Variants in CCDC88A observed in about 807,000 individuals in gnomAD.
The protein encoded by CCDC88A is girdin.
Under a neutral mutation model 234.3 loss-of-function variants are expected in CCDC88A, and 54 were observed. The ratio of observed to expected loss-of-function variants is 0.23; its 90% CI spans 0.19 to 0.29. CCDC88A has a LOEUF of 0.29. Ranked by LOEUF, CCDC88A falls within the 10% of genes least tolerant of loss-of-function variation. CCDC88A has a pLI of 1.00. For missense variants in CCDC88A, 1,832 were observed against 2,123.4 expected (o/e 0.86, Z 2.70); for synonymous variants, 753 against 737.8 (o/e 1.02, Z -0.33).
In CCDC88A at chr2:55,307,459, G is replaced by A. The variant is rs141636507; in HGVS notation, c.4387+1350C>T. ...CAGCCTCTGCCTCCCAGGTTCAAGC[G>A]ACTCTCCTGCCTCAGCCTCCCAAGT... On this transcript the variant is annotated intron_variant, in intron 25 of 32. Coordinates refer to ENST00000436346, the MANE Select transcript of CCDC88A (RefSeq NM_001365480.1). Among the ~76,000 whole-genome samples the A allele has an allele frequency of 3.2e-3, 489 of 150,708 alleles. 1 individual carries two copies. Among genetic ancestry groups the A allele is most frequent in the African/African-American group, 0.011 (458 of 40,912 alleles).
chr2:55,386,691 C>T (rs1055574549), intron 3 of CCDC88A, among the ~76,000 whole-genome samples: 7 of 150,762 alleles, frequency 4.6e-5, no homozygotes, highest in South Asian at 2.1e-4. Flanking sequence ...AGGCTGGTCT[C>T]GAACTCCTGA....
At position 55,336,848 on chromosome 2, in the gene CCDC88A, G is replaced by A. The variant is rs140398967; in HGVS notation, c.1519-30C>T. 1.4e-3 allele frequency: 1,922 copies of A among 1,375,040 alleles called. 29 individuals are homozygous for A. The African/African-American group carries it at 0.025, about 18-fold the overall frequency. The allele number at this position is 1,375,040 out of a possible 1,614,324, so 85.2% of individuals were successfully genotyped here. ...AGAAAATTAAATCACAAAACAATAC[G>A]TTAAATATTCTGTAACAGTGAAAAC... On this transcript the variant is annotated intron_variant, in intron 13 of 32. Coordinates refer to ENST00000436346, the MANE Select transcript of CCDC88A (RefSeq NM_001365480.1).
At chr2:55,400,444 G>T (rs1427552994) in intron 2 of CCDC88A, among the ~76,000 whole-genome samples, 2 of 152,152 alleles carry the variant, frequency 1.3e-5, no homozygotes, top group African/African-American at 2.4e-5. Context: ...GTCCAACCAG[G>T]AGTTAAATGC....
chr2:55,308,652 G>T, intron 25 of CCDC88A, 157 bp downstream of exon 25: 1 of 603,548 alleles, frequency 1.7e-6, no homozygotes, highest in Non-Finnish European at 2.9e-6. Flanking sequence ...AAAATTGTGT[G>T]GCTGTACACT....
At chr2:55,374,721 G>T in intron 4 of CCDC88A, 93 bp downstream of exon 4, 1 of 670,824 alleles carries the variant, frequency 1.5e-6, no homozygotes, top group Non-Finnish European at 2.6e-6. Flanking sequence ...AAAATCTAGT[G>T]AGTTAATGTA....
chr2:55,292,852 T>G (rs1679584174), intron 31 of CCDC88A: 1 of 152,178 alleles, frequency 6.6e-6, no homozygotes, highest in Admixed American at 6.6e-5. Flanking sequence ...CAGAGTGAGA[T>G]TCCATCTCAA....
chr2:55,367,400 G>A (rs1308942062), intron 5 of CCDC88A, among the ~76,000 whole-genome samples: 1 of 151,842 alleles, frequency 6.6e-6, no homozygotes, highest in East Asian at 1.9e-4. Flanking sequence ...TGTTAAAATG[G>A]TAAATTTCCT....
At chr2:55,375,368 C>T (rs374242756) in intron 3 of CCDC88A, among the ~76,000 whole-genome samples, 2 of 151,350 alleles carry the variant, frequency 1.3e-5, no homozygotes, top group Non-Finnish European at 2.9e-5. Context: ...AATTAAGAAA[C>T]ATTCCTCAAT....
intron 2 of CCDC88A, among the ~76,000 whole-genome samples, chr2:55,392,394 T>G (rs1249224133): frequency 2.0e-5 from 3 of 152,234 alleles, no homozygotes; most frequent in African/African-American, 7.2e-5. Flanking sequence ...TGACTGAAAT[T>G]GCACTCAATC....
chr2:55,386,056 CT>C (rs1337700026), intron 3 of CCDC88A, among the ~76,000 whole-genome samples: 1 of 149,610 alleles, frequency 6.7e-6, no homozygotes, highest in Non-Finnish European at 1.5e-5. Flanking sequence ...AAACCTGTCT[CT>C]ACTAAAAATA....
chr2:55,368,481 T>C (rs1291087032), intron 5 of CCDC88A, among the ~76,000 whole-genome samples: 1 of 151,796 alleles, frequency 6.6e-6, no homozygotes, highest in African/African-American at 2.4e-5. Context: ...TTCTCCCTCT[T>C]TAATTAAAAA....
intron 2 of CCDC88A, among the ~76,000 whole-genome samples, chr2:55,395,406 A>G (rs905770543): frequency 3.3e-5 from 5 of 152,216 alleles, no homozygotes; most frequent in African/African-American, 9.6e-5. Flanking sequence ...ACTCTATGGT[A>G]TAACTATTCC....
In CCDC88A at chr2:55,288,873, A is replaced by G. The variant is rs988794266; in HGVS notation, c.*2327T>C. 8 of 152,276 alleles carry G rather than the reference A, an allele frequency of 5.3e-5. No individual in the cohort carries two copies. The highest frequency in any genetic ancestry group is 4.6e-4 in the Admixed American group (7 of 15,286). The allele number at this position is 152,276 out of a possible 1,614,324, so 9.4% of individuals were successfully genotyped here. A position where few individuals can be genotyped will look rare whatever the true frequency, so the allele number is the denominator to read the frequency against. ...TTGTTTGGCAGAAGTTGTTTAGGGG[A>G]GAAGAGTGGCTTCCTACAAAGTTTG... On this transcript the variant is annotated 3_prime_UTR_variant, in exon 33 of 33. Coordinates refer to ENST00000436346, the MANE Select transcript of CCDC88A (RefSeq NM_001365480.1).
chr2:55,419,523 ACC>A lies in CCDC88A; in HGVS notation c.-446_-445del. The A allele has an allele frequency of 1.6e-4, 22 of 133,754 alleles. No homozygotes were observed. Among genetic ancestry groups the A allele is most frequent in the South Asian group, 4.5e-4 (2 of 4,410 alleles). 8.3% of individuals were successfully genotyped at this position (133,754 alleles called of 1,614,324 possible). ...ACCACGTTAAGGATACCGAGGCGCC[ACC>A]AGACTCGACCTCGGCGTTCCGACCT... On this transcript the variant is annotated 5_prime_UTR_variant, in exon 1 of 33. Coordinates refer to ENST00000436346, the MANE Select transcript of CCDC88A (RefSeq NM_001365480.1).
At chr2:55,402,122 T>C (rs2104947374) in intron 2 of CCDC88A, among the ~76,000 whole-genome samples, 1 of 152,188 alleles carries the variant, frequency 6.6e-6, no homozygotes, top group African/African-American at 2.4e-5. Context: ...CTTTTGTTTA[T>C]GTGGGTTATA....
intron 13 of CCDC88A, among the ~76,000 whole-genome samples, chr2:55,337,875 AATAATAATATGAAAAGCATC>A (rs1391806875): frequency 6.6e-6 from 1 of 152,124 alleles, no homozygotes; most frequent in Non-Finnish European, 1.5e-5. Flanking sequence ...TGATAATAAT[AATAATAATATGAAAAGCATC>A]AGGTCAAAAA....
intron 2 of CCDC88A, chr2:55,404,352 A>G (rs1253321902): frequency 6.6e-6 from 1 of 152,198 alleles, no homozygotes; most frequent in East Asian, 1.9e-4. Flanking sequence ...GACAACTCTA[A>G]GTATATAAAT....
intron 28 of CCDC88A, 123 bp downstream of exon 28, chr2:55,301,083 T>A (rs1458290582): frequency 4.7e-6 from 3 of 637,334 alleles, no homozygotes; most frequent in African/African-American, 3.8e-5. Flanking sequence ...GAGGTAACTA[T>A]GAGATGCAGG....
At chr2:55,351,907 T>C (rs917461430) in intron 8 of CCDC88A, among the ~76,000 whole-genome samples, 2 of 152,178 alleles carry the variant, frequency 1.3e-5, no homozygotes, top group African/African-American at 4.8e-5. Flanking sequence ...AATAAAGTAT[T>C]GATACATGCT....
Sources: allele counts gnomAD v4.1 joint callset (sites outside exome capture counted in the v4.1 genomes callset), GRCh38; gene constraint gnomAD v4.1.1; transcripts MANE v1.5; gene names NCBI Gene and HGNC (gene_info 2026-07-23, HGNC 2026-07-21).